The following PTK2 variants were observed in gnomAD, a reference collection of about 807,000 sequenced individuals.
PTK2 encodes protein tyrosine kinase 2, also known as focal adhesion kinase 1.
A neutral mutation model predicts 150.1 loss-of-function variants in PTK2; 45 were observed. The ratio of observed to expected loss-of-function variants is 0.30; its 90% CI spans 0.24 to 0.38. The LOEUF (loss-of-function observed/expected upper bound fraction) is 0.38, where lower values mean the gene tolerates loss of function less well. Ranked by LOEUF, PTK2 falls within the 10% of genes least tolerant of loss-of-function variation. The pLI is 1.00. For missense variants in PTK2, 919 were observed against 1,307.3 expected, an observed-to-expected ratio of 0.70 and a Z score of 4.58; for synonymous variants, 432 against 449.2, an observed-to-expected ratio of 0.96 and a Z score of 0.48.
At chr8:140,706,198 C>A in exon 24 of PTK2, 1 of 1,612,034 alleles carries the variant, frequency 6.2e-7, no homozygotes, top group South Asian at 1.1e-5. Context: ...ATAACCCGGT[C>A]TGCTGGGCTG....
At chr8:140,775,701 G>C (rs1372769666) in intron 14 of PTK2, among the ~76,000 whole-genome samples, 1 of 151,842 alleles carries the variant, frequency 6.6e-6, no homozygotes, top group Non-Finnish European at 1.5e-5. Context: ...TTAAATACTA[G>C]GCCCTGAAAA....
intron 1 of PTK2, among the ~76,000 whole-genome samples, chr8:140,994,298 G>A (rs916456871): frequency 6.6e-6 from 1 of 152,132 alleles, no homozygotes; most frequent in Non-Finnish European, 1.5e-5. Context: ...CATTTCATTA[G>A]AGTATTTATG....
rs140169006 is a variant in PTK2 at position 140,905,935 on chromosome 8, T to C, written c.-32-15166A>G. Among the ~76,000 whole-genome samples the C allele has an allele frequency of 5.7e-3, 861 of 151,294 alleles. 11 individuals are homozygous for C. Among genetic ancestry groups the C allele is most frequent in the African/African-American group, 0.019 (787 of 41,212 alleles). ...GAATGACTACTGGGTAAATAAGAAA[T>C]GAAGGCAGAAATAAGTAAGTTATTT... On this transcript the variant is annotated intron_variant, in intron 2 of 31. Transcript: ENST00000522684.
At chr8:140,943,640 A>G (rs532073054) in intron 1 of PTK2, among the ~76,000 whole-genome samples, 3 of 152,352 alleles carry the variant, frequency 2.0e-5, no homozygotes, top group Admixed American at 6.5e-5. Context: ...ACTTCATAAG[A>G]AAGTGCCAAA....
chr8:140,834,638 C>T (rs1312857238), intron 7 of PTK2, among the ~76,000 whole-genome samples: 1 of 152,140 alleles, frequency 6.6e-6, no homozygotes, highest in Non-Finnish European at 1.5e-5. Context: ...ATAGAAAAAT[C>T]GCTAATATGT....
chr8:140,741,628 T>C (rs1431295784), intron 20 of PTK2, among the ~76,000 whole-genome samples: 1 of 152,088 alleles, frequency 6.6e-6, no homozygotes, highest in African/African-American at 2.4e-5. Context: ...AAAAATCAAA[T>C]ACCCTAAGAA....
intron 29 of PTK2, 193 bp downstream of exon 32, chr8:140,674,105 C>T: frequency 2.7e-6 from 2 of 742,422 alleles, no homozygotes; most frequent in Admixed American, 1.7e-5. Context: ...AAAATGTTTG[C>T]ATAAAGCTTT....
intron 23 of PTK2, among the ~76,000 whole-genome samples, chr8:140,709,419 A>C (rs1346131840): frequency 6.6e-6 from 1 of 152,246 alleles, no homozygotes; most frequent in Non-Finnish European, 1.5e-5. Context: ...AAATGTTGCT[A>C]ACCAACAGCC....
intron 7 of PTK2, among the ~76,000 whole-genome samples, chr8:140,844,853 T>C (rs578196282): frequency 3.3e-5 from 5 of 152,280 alleles, no homozygotes; most frequent in South Asian, 4.1e-4. Context: ...TTAAAAAACA[T>C]GAATGTTCCC....
chr8:140,754,614 C>T (rs2100064624), intron 16 of PTK2, among the ~76,000 whole-genome samples: 2 of 152,170 alleles, frequency 1.3e-5, no homozygotes, highest in Non-Finnish European at 2.9e-5. Context: ...TTTATTAAGA[C>T]AGTCTAAGGA....
intron 3 of PTK2, among the ~76,000 whole-genome samples, chr8:140,882,135 T>C (rs1013422056): frequency 2.0e-5 from 3 of 152,224 alleles, no homozygotes; most frequent in African/African-American, 7.2e-5. Context: ...AGCACCCTTA[T>C]AAATTTCTCT....
intron 21 of PTK2, among the ~76,000 whole-genome samples, chr8:140,736,085 G>A (rs1231988965): frequency 2.6e-5 from 4 of 152,086 alleles, no homozygotes; most frequent in Non-Finnish European, 4.4e-5. Context: ...TCTACCCTTG[G>A]GAAATCCAAT....
At chr8:140,864,375 C>T in exon 5 of PTK2, 1 of 1,590,568 alleles carries the variant, frequency 6.3e-7, no homozygotes, top group Non-Finnish European at 8.6e-7. Flanking sequence ...ATCCTTTTGG[C>T]AAATAACGAA....
Position 140,860,138 on chromosome 8 carries a change from A to G in PTK2, c.450+4174T>C, listed in dbSNP as rs111273109. ...GTTAATACCTTCCACATCCATGAACAGTTGTACCTCCCTGTTAATGAGGGA... is the reference window on the plus strand; with the variant it reads ...GTTAATACCTTCCACATCCATGAACGGTTGTACCTCCCTGTTAATGAGGGA... On this transcript the variant is annotated intron_variant, in intron 5 of 31. Coordinates refer to ENST00000522684, the Ensembl canonical transcript of PTK2. 5.2e-3 allele frequency among the ~76,000 whole-genome samples: 797 copies of G among 152,318 alleles called. 8 individuals are homozygous for G. The highest frequency in any genetic ancestry group is 0.018 in the African/African-American group (729 of 41,572).
At chr8:140,859,882 T>C (rs1315800136) in intron 5 of PTK2, among the ~76,000 whole-genome samples, 5 of 152,142 alleles carry the variant, frequency 3.3e-5, no homozygotes, top group Non-Finnish European at 7.3e-5. Context: ...GGATCACTTA[T>C]AACAGTTCTG....
intron 16 of PTK2, among the ~76,000 whole-genome samples, chr8:140,757,535 C>A (rs1191742665): frequency 6.6e-6 from 1 of 151,910 alleles, no homozygotes; most frequent in East Asian, 1.9e-4. Flanking sequence ...TAAAAAAAAC[C>A]CTTTTATAAC....
intron 2 of PTK2, among the ~76,000 whole-genome samples, chr8:140,894,702 T>C (rs542830333): frequency 6.6e-6 from 1 of 152,358 alleles, no homozygotes; most frequent in Non-Finnish European, 1.5e-5. Flanking sequence ...TCTGCTCATA[T>C]GTGCAAAATA....
At chr8:140,744,589 G>A in intron 19 of PTK2, 63 bp downstream of exon 22, 3 of 1,078,728 alleles carry the variant, frequency 2.8e-6, no homozygotes, top group Non-Finnish European at 2.7e-6. Flanking sequence ...GTCCAAATGG[G>A]TCCCTGTTTC....
chr8:140,843,738 C>T (rs888779293), intron 7 of PTK2, among the ~76,000 whole-genome samples: 20 of 152,194 alleles, frequency 1.3e-4, no homozygotes, highest in Non-Finnish European at 1.9e-4. Context: ...TTTAGATTTA[C>T]AAAAGAGTTA....
Sources: allele counts gnomAD v4.1 joint callset (sites outside exome capture counted in the v4.1 genomes callset), GRCh38; gene constraint gnomAD v4.1.1; transcripts MANE v1.5; gene names NCBI Gene and HGNC (gene_info 2026-07-23, HGNC 2026-07-21).